LUZP2: variants seen among roughly 807,000 people sequenced by gnomAD.
LUZP2 encodes leucine zipper protein 2.
LUZP2 carries 52 observed loss-of-function variants against 51.6 expected under a neutral mutation model. That is an observed-to-expected ratio of 1.01 (90% CI 0.81 to 1.27). LUZP2 has a LOEUF of 1.27. Among genes scored for constraint, LUZP2 ranks in the 50% most tolerant of loss-of-function variants. The probability of loss-of-function intolerance (pLI) is 0.00; values close to 1 mark genes in which losing one functional copy is unlikely to be tolerated. For missense variants in LUZP2, 436 were observed against 395.4 expected (o/e 1.10, Z -0.87); for synonymous variants, 154 against 137.3 (o/e 1.12, Z -0.85).
chr11:24,562,661 G>A (rs983689176), intron 1 of LUZP2, among the ~76,000 whole-genome samples: 1 of 150,308 alleles, frequency 6.7e-6, no homozygotes, highest in South Asian at 2.1e-4. Flanking sequence ...AGACCATCCT[G>A]GCTAACATGG....
chr11:24,678,087 G>GT (rs1491256402), intron 1 of LUZP2, among the ~76,000 whole-genome samples: 1 of 110,950 alleles, frequency 9.0e-6, no homozygotes, highest in Non-Finnish European at 1.9e-5. Context: ...GGGGGGGGGG[G>GT]TGATTACTAC....
Position 24,896,277 on chromosome 11 carries a change from G to A in LUZP2, c.397-9714G>A, listed in dbSNP as rs117347736. 7.7e-3 allele frequency among the ~76,000 whole-genome samples: 1,173 copies of A among 152,198 alleles called. 16 individuals carry two copies. Among genetic ancestry groups the A allele is most frequent in the East Asian group, 0.055 (284 of 5,140 alleles). ...GGAGCCAGCTCCCTCTGCTTGCAGG[G>A]AGGTGTGGAGGGAGAGGCGCCGCCA... On this transcript the variant is annotated intron_variant, in intron 5 of 11. Coordinates refer to ENST00000336930, the MANE Select transcript of LUZP2 (RefSeq NM_001009909.4).
chr11:24,842,098 C>T (rs1480632325), intron 5 of LUZP2, among the ~76,000 whole-genome samples: 1 of 151,060 alleles, frequency 6.6e-6, no homozygotes, highest in African/African-American at 2.4e-5. Flanking sequence ...AATAGATATA[C>T]TGACACTTAT....
chr11:24,835,259 C>G (rs551144186), intron 5 of LUZP2, among the ~76,000 whole-genome samples: 2 of 152,190 alleles, frequency 1.3e-5, no homozygotes, highest in South Asian at 4.1e-4. Context: ...CAGCCATATG[C>G]AGAAAACAGA....
chr11:25,075,799 A>T (rs549927857), intron 10 of LUZP2, among the ~76,000 whole-genome samples: 184 of 152,274 alleles, frequency 1.2e-3, no homozygotes, highest in African/African-American at 4.2e-3. Context: ...GTGTGAGAAT[A>T]GAGGGAGCAT....
intron 5 of LUZP2, among the ~76,000 whole-genome samples, chr11:24,860,129 T>A (rs1395250367): frequency 6.6e-6 from 1 of 152,226 alleles, no homozygotes; most frequent in Non-Finnish European, 1.5e-5. Context: ...CATAAAGGCC[T>A]AGTCCCAAGA....
At chr11:24,877,345 C>G (rs1387638729) in intron 5 of LUZP2, among the ~76,000 whole-genome samples, 2 of 152,022 alleles carry the variant, frequency 1.3e-5, no homozygotes, top group African/African-American at 4.8e-5. Context: ...TGATATAGAT[C>G]TTACTATATG....
chr11:24,827,737 C>A (rs1590603376), intron 5 of LUZP2, among the ~76,000 whole-genome samples: 1 of 152,022 alleles, frequency 6.6e-6, no homozygotes, highest in Non-Finnish European at 1.5e-5. Context: ...GAGGATGGGA[C>A]CTGGGGCTCT....
chr11:24,743,871 G>A (rs984370874), intron 4 of LUZP2, among the ~76,000 whole-genome samples: 1 of 151,982 alleles, frequency 6.6e-6, no homozygotes, highest in Non-Finnish European at 1.5e-5. Flanking sequence ...TCCCTTGTAT[G>A]CTGATTTTGC....
At chr11:24,725,744 G>A (rs532328348) in intron 1 of LUZP2, among the ~76,000 whole-genome samples, 1 of 152,244 alleles carries the variant, frequency 6.6e-6, no homozygotes, top group East Asian at 1.9e-4. Context: ...TTTATGTGTT[G>A]AAATCTTAAT....
At chr11:24,668,645 C>T (rs73434992) in intron 1 of LUZP2, among the ~76,000 whole-genome samples, 7,249 of 152,132 alleles carry the variant, frequency 0.048, 557 homozygotes, top group African/African-American at 0.16. Context: ...AAGAGTCATA[C>T]AAGAGTGACT....
At chr11:24,671,114 T>C (rs1170707038) in intron 1 of LUZP2, among the ~76,000 whole-genome samples, 1 of 151,966 alleles carries the variant, frequency 6.6e-6, no homozygotes, top group Non-Finnish European at 1.5e-5. Context: ...TTAATGTCAA[T>C]TCAATTTATA....
chr11:24,898,350 C>T (rs530469757), intron 5 of LUZP2, among the ~76,000 whole-genome samples: 18 of 152,222 alleles, frequency 1.2e-4, no homozygotes, highest in East Asian at 7.7e-4. Flanking sequence ...TAAGGCCGGG[C>T]GCGGTGGCTC....
chr11:25,044,528 TA>T (rs969642157), intron 9 of LUZP2, among the ~76,000 whole-genome samples: 3 of 152,014 alleles, frequency 2.0e-5, no homozygotes, highest in African/African-American at 7.2e-5. Context: ...TGTTTGTATT[TA>T]AAAAATTAAC....
At chr11:24,568,416 TAG>T (rs1179971780) in intron 1 of LUZP2, among the ~76,000 whole-genome samples, 1 of 151,626 alleles carries the variant, frequency 6.6e-6, no homozygotes. Flanking sequence ...TAGACTTTTT[TAG>T]GAGAATCACT....
intron 5 of LUZP2, among the ~76,000 whole-genome samples, chr11:24,781,896 A>T (rs1849106040): frequency 1.3e-5 from 2 of 151,982 alleles, no homozygotes. Flanking sequence ...ACAAAAAATG[A>T]ATATTCTGAT....
chr11:24,671,929 T>G (rs1303037380), intron 1 of LUZP2, among the ~76,000 whole-genome samples: 1 of 152,148 alleles, frequency 6.6e-6, no homozygotes, highest in Admixed American at 6.6e-5. Context: ...TTCTTTTTGC[T>G]TGCTCTCAGT....
At chr11:24,540,217 C>T (rs1235631496) in intron 1 of LUZP2, among the ~76,000 whole-genome samples, 1 of 152,058 alleles carries the variant, frequency 6.6e-6, no homozygotes, top group Non-Finnish European at 1.5e-5. Flanking sequence ...AATTACGACT[C>T]TTCAAATACG....
intron 5 of LUZP2, among the ~76,000 whole-genome samples, chr11:24,896,245 C>T (rs749252342): frequency 3.3e-5 from 5 of 152,274 alleles, no homozygotes; most frequent in Admixed American, 6.5e-5. Context: ...GTGGGCTGGC[C>T]GAGGCCGGAG....
Sources: allele counts gnomAD v4.1 joint callset (sites outside exome capture counted in the v4.1 genomes callset), GRCh38; gene constraint gnomAD v4.1.1; transcripts MANE v1.5; gene names NCBI Gene and HGNC (gene_info 2026-07-23, HGNC 2026-07-21).